Variants in MAML3 observed in about 807,000 individuals in gnomAD.
MAML3 encodes the protein mastermind like transcriptional coactivator 3.
A neutral mutation model predicts 101.9 loss-of-function variants in MAML3; 27 were observed. The ratio of observed to expected loss-of-function variants is 0.27; its 90% CI spans 0.20 to 0.37. The LOEUF is 0.37. MAML3 is among the 10% of genes least tolerant of loss of function. MAML3 has a pLI of 1.00. For missense variants in MAML3, 1,316 were observed against 1,444.9 expected (o/e 0.91, Z 1.45); for synonymous variants, 501 against 555.9 (o/e 0.90, Z 1.39).
At chr4:139,878,680 C>T (rs1716724515) in intron 2 of MAML3, among the ~76,000 whole-genome samples, 1 of 152,142 alleles carries the variant, frequency 6.6e-6, no homozygotes, top group African/African-American at 2.4e-5. Flanking sequence ...AGTTGGGCAT[C>T]CGGCTGAGGC....
chr4:140,120,030 G>A (rs1578694505), intron 1 of MAML3, among the ~76,000 whole-genome samples: 3 of 152,160 alleles, frequency 2.0e-5, no homozygotes, highest in East Asian at 1.9e-4. Flanking sequence ...GAGGTCAGGA[G>A]ATCGAGACCA....
intron 1 of MAML3, among the ~76,000 whole-genome samples, chr4:140,151,695 G>T (rs538925475): frequency 6.7e-6 from 1 of 149,704 alleles, no homozygotes; most frequent in African/African-American, 2.4e-5. Context: ...CGGTGCGGGG[G>T]GGGGGGGCAC....
At chr4:139,795,788 A>T (rs1335950018) in intron 2 of MAML3, among the ~76,000 whole-genome samples, 1 of 152,172 alleles carries the variant, frequency 6.6e-6, no homozygotes, top group Non-Finnish European at 1.5e-5. Flanking sequence ...GTAGTACCAT[A>T]TTGTTGTGGA....
At chr4:140,035,893 C>T (rs1726979868) in intron 1 of MAML3, among the ~76,000 whole-genome samples, 2 of 152,158 alleles carry the variant, frequency 1.3e-5, no homozygotes, top group South Asian at 4.1e-4. Flanking sequence ...CTTCGGAACA[C>T]ATTATCTACT....
rs535798304 is a variant in MAML3, at chr4:140,097,393, C to T, written c.468+55467G>A. Among the ~76,000 whole-genome samples the T allele has an allele frequency of 7.2e-5, 11 of 152,274 alleles. No homozygotes were observed. The South Asian group carries it at 1.9e-3, about 26-fold the overall frequency. ...ACAGGAGCTGCTTAGAAGGAGAAGA[C>T]GAAGCCGAGGTTTTGTTCGAGTTGT... On this transcript the variant is annotated intron_variant, in intron 1 of 4. Coordinates refer to ENST00000509479, the MANE Select transcript of MAML3 (RefSeq NM_018717.5).
intron 2 of MAML3, among the ~76,000 whole-genome samples, chr4:139,862,233 C>A (rs1223496325): frequency 1.3e-5 from 2 of 152,058 alleles, no homozygotes; most frequent in Non-Finnish European, 2.9e-5. Flanking sequence ...ACAAAAAAAA[C>A]AAACTGATGC....
intron 2 of MAML3, among the ~76,000 whole-genome samples, chr4:139,781,614 T>C (rs1730217458): frequency 6.6e-6 from 1 of 151,880 alleles, no homozygotes; most frequent in African/African-American, 2.4e-5. Flanking sequence ...ACTATTAATA[T>C]TGTTCTAATT....
chr4:139,752,485 G>A (rs1729531163), intron 2 of MAML3, among the ~76,000 whole-genome samples: 1 of 152,106 alleles, frequency 6.6e-6, no homozygotes, highest in African/African-American at 2.4e-5. Flanking sequence ...AAAAGGGGGT[G>A]AGTGATAACC....
chr4:139,732,093 G>A (rs1728748541), intron 2 of MAML3, among the ~76,000 whole-genome samples: 1 of 152,210 alleles, frequency 6.6e-6, no homozygotes, highest in African/African-American at 2.4e-5. Context: ...GCACTATTAT[G>A]AGACCTAAAT....
intron 1 of MAML3, among the ~76,000 whole-genome samples, chr4:139,917,698 T>C (rs1386807306): frequency 6.6e-6 from 1 of 152,162 alleles, no homozygotes; most frequent in Admixed American, 6.5e-5. Context: ...AGATTCAAAA[T>C]AGAAAGGGCT....
chr4:139,854,774 T>G (rs560712053), intron 2 of MAML3, among the ~76,000 whole-genome samples: 41 of 152,278 alleles, frequency 2.7e-4, no homozygotes, highest in African/African-American at 9.2e-4. Flanking sequence ...TGCTCTTTGT[T>G]GCAGAACACG....
At chr4:139,902,110 C>G (rs1732733868) in intron 1 of MAML3, among the ~76,000 whole-genome samples, 1 of 152,228 alleles carries the variant, frequency 6.6e-6, no homozygotes. Context: ...AGGCCAGACA[C>G]TGCTCTTTCT....
intron 1 of MAML3, among the ~76,000 whole-genome samples, chr4:139,983,749 A>C (rs1734485907): frequency 6.6e-6 from 1 of 152,178 alleles, no homozygotes; most frequent in African/African-American, 2.4e-5. Context: ...TGAAGATGTA[A>C]AATATCATTT....
intron 2 of MAML3, among the ~76,000 whole-genome samples, chr4:139,852,579 AT>A (rs1302410778): frequency 1.3e-5 from 2 of 151,534 alleles, no homozygotes; most frequent in African/African-American, 2.4e-5. Flanking sequence ...TGTCTGGCTA[AT>A]TTTTTTCGTA....
chr4:139,822,225 T>TCATCACCAC (rs1305226580), intron 2 of MAML3, among the ~76,000 whole-genome samples: 2 of 126,602 alleles, frequency 1.6e-5, no homozygotes, highest in East Asian at 5.0e-4. Context: ...ATTATCACCA[T>TCATCACCAC]CACCACCACC....
chr4:140,054,108 G>A (rs535574267), intron 1 of MAML3, among the ~76,000 whole-genome samples: 3 of 152,242 alleles, frequency 2.0e-5, no homozygotes, highest in South Asian at 2.1e-4. Flanking sequence ...AGTGGCTCAC[G>A]CCTGTAATCC....
intron 1 of MAML3, among the ~76,000 whole-genome samples, chr4:139,943,450 C>A (rs1015890786): frequency 1.3e-5 from 2 of 152,100 alleles, no homozygotes; most frequent in East Asian, 3.9e-4. Flanking sequence ...GAATAAGAAG[C>A]CCATGTAATT....
intron 1 of MAML3, among the ~76,000 whole-genome samples, chr4:140,093,509 C>T (rs1318325352): frequency 2.0e-5 from 3 of 151,440 alleles, no homozygotes; most frequent in Admixed American, 6.6e-5. Flanking sequence ...CTCTGCCTTC[C>T]GGGTTCATGC....
chr4:140,030,956 G>A (rs11100449), intron 1 of MAML3, among the ~76,000 whole-genome samples: 71,486 of 151,994 alleles, frequency 0.47, 18,093 homozygotes, highest in East Asian at 0.91. Context: ...ATATAATACC[G>A]TCTGAAAAAC....
Sources: allele counts gnomAD v4.1 joint callset (sites outside exome capture counted in the v4.1 genomes callset), GRCh38; gene constraint gnomAD v4.1.1; transcripts MANE v1.5; gene names NCBI Gene and HGNC (gene_info 2026-07-23, HGNC 2026-07-21).